DPYS: variants seen among roughly 807,000 people sequenced by gnomAD.
DPYS encodes the protein dihydropyrimidinase.
DPYS carries 39 observed loss-of-function variants against 50.3 expected under a neutral mutation model. That is an observed-to-expected ratio of 0.78 (90% confidence interval 0.60 to 1.01). DPYS has a LOEUF of 1.01. Among genes scored for constraint, DPYS ranks in the 50% least tolerant of loss-of-function variants. DPYS has a pLI of 0.00. For synonymous variants in DPYS, 245 were observed against 250.7 expected (o/e 0.98, Z 0.22); for missense variants, 659 against 680.9 (o/e 0.97, Z 0.36).
In DPYS at chr8:104,446,552, G is replaced by A. The variant is rs190345851; in HGVS notation, c.603+772C>T. 2.1e-3 allele frequency among the ~76,000 whole-genome samples: 315 copies of A among 152,280 alleles called. 1 individual carries two copies. The highest frequency in any genetic ancestry group is 7.0e-3 in the African/African-American group (290 of 41,560). ...AAAGAGCATGCAGTCCAGACTTAGA[G>A]TGGTAAAAATACTTCCTGTTGTCAT... On this transcript the variant is annotated intron_variant, in intron 3 of 9. Transcript: ENST00000351513.
chr8:104,450,254 AC>A (rs1446466218), intron 2 of DPYS, among the ~76,000 whole-genome samples: 1 of 152,192 alleles, frequency 6.6e-6, no homozygotes, highest in Non-Finnish European at 1.5e-5. Context: ...CAGATGCATC[AC>A]TAAAAATGGC....
At chr8:104,442,505 C>A (rs1338907990) in intron 4 of DPYS, among the ~76,000 whole-genome samples, 2 of 152,148 alleles carry the variant, frequency 1.3e-5, no homozygotes, top group African/African-American at 4.8e-5. Context: ...GGCAACAGCA[C>A]CATCTGGTGG....
intron 7 of DPYS, among the ~76,000 whole-genome samples, chr8:104,409,132 A>T (rs16892397): frequency 0.059 from 8,957 of 151,850 alleles, 325 homozygotes; most frequent in African/African-American, 0.085. Flanking sequence ...TAAATGTCTA[A>T]GGGGCATTCT....
rs140665009 is a variant in DPYS, at chr8:104,430,501, T to G, written c.794-800A>C. 2.2e-4 allele frequency among the ~76,000 whole-genome samples: 33 copies of G among 152,266 alleles called. 1 individual carries two copies. Among genetic ancestry groups the G allele is most frequent in the Non-Finnish European group, 5.9e-5 (4 of 68,016 alleles). On this transcript the variant is annotated intron_variant, in intron 4 of 9. Coordinates refer to ENST00000351513, the MANE Select transcript of DPYS (RefSeq NM_001385.3). ...CAACCTGATCAAATTCAGGCAATCA[T>G]TAAGGAGAGTGCACAGTAGAGAGAT...
chr8:104,465,345 C>CTA (rs778157585), intron 1 of DPYS, among the ~76,000 whole-genome samples: 4 of 152,074 alleles, frequency 2.6e-5, no homozygotes, highest in Non-Finnish European at 4.4e-5. Context: ...AGGAAGCCTA[C>CTA]TATACACTGG....
intron 6 of DPYS, 101 bp from the exon 7 acceptor site, chr8:104,424,490 C>G (rs949524286): frequency 1.6e-5 from 20 of 1,244,606 alleles, no homozygotes; most frequent in Non-Finnish European, 2.3e-5. Context: ...CAGAACTGCA[C>G]CTAATTTCTT....
chr8:104,467,031 G>T lies in DPYS; in HGVS notation c.-111C>A, dbSNP rs1222597105. 2 of 1,276,176 alleles carry T rather than the reference G, an allele frequency of 1.6e-6. No homozygotes were observed. The highest frequency in any genetic ancestry group is 6.2e-5 in the East Asian group (2 of 32,098). The allele number at this position is 1,276,176 out of a possible 1,614,324, so 79.1% of individuals were successfully genotyped here. Reference sequence around the variant, plus strand: ...TGCAAGGTCCCCACCGACAGCCCCCGAGCTCTGCCTCAGGCTGCAAATCCG... The same window carrying T: ...TGCAAGGTCCCCACCGACAGCCCCCTAGCTCTGCCTCAGGCTGCAAATCCG... On this transcript the variant is annotated 5_prime_UTR_variant, in exon 1 of 10. Coordinates refer to ENST00000351513, the MANE Select transcript of DPYS (RefSeq NM_001385.3).
chr8:104,427,876 A>G, intron 6 of DPYS, 104 bp downstream of exon 6: 1 of 1,569,892 alleles, frequency 6.4e-7, no homozygotes, highest in Non-Finnish European at 8.8e-7. Flanking sequence ...AGTAAAAACA[A>G]TCAAAAAGCT....
intron 2 of DPYS, among the ~76,000 whole-genome samples, chr8:104,448,156 CTTTT>C (rs35179334): frequency 2.9e-5 from 4 of 137,970 alleles, no homozygotes. Context: ...AACAATTGCT[CTTTT>C]TTTTTTTTTT....
At chr8:104,449,179 CCCT>C (rs1303507094) in intron 2 of DPYS, among the ~76,000 whole-genome samples, 1 of 152,112 alleles carries the variant, frequency 6.6e-6, no homozygotes, top group African/African-American at 2.4e-5. Context: ...CATTTGTTCC[CCCT>C]AACAGTTTCT....
At chr8:104,387,631 A>G (rs952801407) in intron 8 of DPYS, among the ~76,000 whole-genome samples, 3 of 152,236 alleles carry the variant, frequency 2.0e-5, no homozygotes, top group African/African-American at 7.2e-5. Context: ...CTTGGTAACT[A>G]TGTGAGCTCC....
intron 4 of DPYS, among the ~76,000 whole-genome samples, chr8:104,440,029 T>A (rs1413527731): frequency 2.0e-5 from 3 of 152,162 alleles, no homozygotes; most frequent in South Asian, 2.1e-4. Context: ...AAATTGAGCA[T>A]GAAGCATTAT....
chr8:104,459,634 G>T (rs904094867), intron 1 of DPYS, among the ~76,000 whole-genome samples: 12 of 152,186 alleles, frequency 7.9e-5, no homozygotes, highest in African/African-American at 2.9e-4. Flanking sequence ...TTTGAGAATA[G>T]GTGTTTTTTT....
intron 1 of DPYS, among the ~76,000 whole-genome samples, chr8:104,458,540 A>G (rs1456876077): frequency 6.6e-6 from 1 of 152,234 alleles, no homozygotes; most frequent in Admixed American, 6.5e-5. Flanking sequence ...GATTTAATCA[A>G]TGTTGGTTCA....
At chr8:104,395,153 A>T (rs533926244) in intron 7 of DPYS, among the ~76,000 whole-genome samples, 8 of 151,916 alleles carry the variant, frequency 5.3e-5, no homozygotes, top group African/African-American at 1.9e-4. Flanking sequence ...GTGCCACCAC[A>T]CCCAGCTAAT....
intron 4 of DPYS, among the ~76,000 whole-genome samples, chr8:104,434,830 C>G (rs2853168): frequency 0.61 from 92,367 of 152,050 alleles, 29,194 homozygotes; most frequent in Non-Finnish European, 0.71. Context: ...TATTTTTACC[C>G]TAAAGAAAGG....
At chr8:104,441,575 AT>A (rs1564105800) in intron 4 of DPYS, among the ~76,000 whole-genome samples, 1 of 152,208 alleles carries the variant, frequency 6.6e-6, no homozygotes, top group Admixed American at 6.5e-5. Flanking sequence ...ATCTCAACCC[AT>A]TGTGGCTGGT....
At chr8:104,460,369 C>T (rs1454009122) in intron 1 of DPYS, among the ~76,000 whole-genome samples, 1 of 152,052 alleles carries the variant, frequency 6.6e-6, no homozygotes, top group African/African-American at 2.4e-5. Context: ...GCAGCACTTC[C>T]CCCTTTGCTC....
At chr8:104,432,316 A>G (rs1409759707) in intron 4 of DPYS, among the ~76,000 whole-genome samples, 1 of 152,244 alleles carries the variant, frequency 6.6e-6, no homozygotes, top group Non-Finnish European at 1.5e-5. Context: ...AATGAAGCAG[A>G]TCAAACCAAT....
Sources: gnomAD v4.1 joint callset for allele counts (sites outside exome capture counted in the v4.1 genomes callset) on GRCh38, gnomAD v4.1.1 for gene constraint, MANE v1.5 for transcripts, NCBI Gene and HGNC (gene_info 2026-07-23, HGNC 2026-07-21) for gene names.